ZCWPW2: variants seen among roughly 807,000 people sequenced by gnomAD.
ZCWPW2 encodes zinc finger CW-type and PWWP domain containing 2.
A neutral mutation model predicts 46.6 loss-of-function variants in ZCWPW2; 45 were observed. The observed-to-expected ratio is 0.96, with a 90% CI of 0.76 to 1.24. ZCWPW2 has a LOEUF of 1.24. Ranked by LOEUF, ZCWPW2 falls within the 50% of genes most tolerant of loss-of-function variation. The pLI, the probability that ZCWPW2 is intolerant of heterozygous loss-of-function variation, is 0.00. For missense variants in ZCWPW2, 429 were observed against 403.9 expected, an observed-to-expected ratio of 1.06 and a Z score of -0.53; for synonymous variants, 152 against 137.1, an observed-to-expected ratio of 1.11 and a Z score of -0.76.
Position 28,466,508 on chromosome 3 carries a change from A to G in ZCWPW2, c.493-12306A>G, listed in dbSNP as rs189839694. Among the ~76,000 whole-genome samples the G allele has an allele frequency of 2.7e-3, 416 of 152,340 alleles. 2 individuals carry two copies. The highest frequency in any genetic ancestry group is 3.7e-3 in the Non-Finnish European group (250 of 68,038). The stretch of plus-strand genomic sequence containing the variant: ...AAAATGCTGCTAAGAAACAGAAAAT[A>G]AAGCCCGAGACTGGCTGTGGTGGCT... On this transcript the variant is annotated intron_variant, in intron 4 of 9. Coordinates refer to ENST00000383768, the MANE Select transcript of ZCWPW2 (RefSeq NM_001040432.4).
At chr3:28,441,971 C>T (rs980696943) in intron 4 of ZCWPW2, among the ~76,000 whole-genome samples, 1 of 152,166 alleles carries the variant, frequency 6.6e-6, no homozygotes, top group Non-Finnish European at 1.5e-5. Context: ...TTTGGGCCTG[C>T]CAAAGGCTCC....
Position 28,524,751 on chromosome 3 carries a change from A to G in ZCWPW2, c.*63A>G. On this transcript the variant is annotated 3_prime_UTR_variant, in exon 10 of 10. Coordinates refer to ENST00000383768, the MANE Select transcript of ZCWPW2 (RefSeq NM_001040432.4). ...GGCATCTTTATATTTATCCAAAGTTAAAACTTTAAAAATGTTTAGTGAAAT... is the reference window on the plus strand; with the variant it reads ...GGCATCTTTATATTTATCCAAAGTTGAAACTTTAAAAATGTTTAGTGAAAT... 1 of 1,277,442 alleles carries G rather than the reference A, an allele frequency of 7.8e-7. No homozygotes were observed. 79.1% of individuals were successfully genotyped at this position (1,277,442 alleles called of 1,614,324 possible).
chr3:28,457,946 A>G, intron 4 of ZCWPW2, among the ~76,000 whole-genome samples: 1 of 152,188 alleles, frequency 6.6e-6, no homozygotes, highest in East Asian at 1.9e-4. Flanking sequence ...TAAGTTTTTA[A>G]CTATGATTAA....
At chr3:28,420,090 C>T (rs1399128781) in intron 3 of ZCWPW2, among the ~76,000 whole-genome samples, 1 of 151,430 alleles carries the variant, frequency 6.6e-6, no homozygotes, top group East Asian at 1.9e-4. Flanking sequence ...AAAAAAACAG[C>T]TCCTGGAATC....
chr3:28,348,989 G>T lies in ZCWPW2; in HGVS notation c.-348G>T. ...GTGGATGAGCTCTCAGCCGGAAAAG[G>T]GGCTGCCGCTGTCCGCGGGCTCGGC... On this transcript the variant is annotated 5_prime_UTR_variant, in exon 1 of 10. Transcript: ENST00000383768. The T allele has an allele frequency of 1.0e-6, 1 of 985,820 alleles. No homozygotes were observed. Among genetic ancestry groups the T allele is most frequent in the Non-Finnish European group, 1.2e-6 (1 of 830,244 alleles). 61.1% of individuals were successfully genotyped at this position (985,820 alleles called of 1,614,324 possible). A position where few individuals can be genotyped will look rare whatever the true frequency, so the allele number is the denominator to read the frequency against.
chr3:28,496,621 A>C (rs1392621913), intron 6 of ZCWPW2, among the ~76,000 whole-genome samples: 1 of 151,924 alleles, frequency 6.6e-6, no homozygotes, highest in Admixed American at 6.6e-5. Context: ...TTTTCTTTAC[A>C]GTTTGGTTTT....
At chr3:28,494,907 C>A (rs1699934992) in intron 6 of ZCWPW2, among the ~76,000 whole-genome samples, 1 of 146,908 alleles carries the variant, frequency 6.8e-6, no homozygotes, top group Non-Finnish European at 1.5e-5. Flanking sequence ...AACTACAAAC[C>A]ACTGCTCAAG....
intron 4 of ZCWPW2, among the ~76,000 whole-genome samples, chr3:28,450,761 C>G (rs1698195602): frequency 6.6e-6 from 1 of 152,024 alleles, no homozygotes; most frequent in Non-Finnish European, 1.5e-5. Flanking sequence ...TACCAGAGAT[C>G]ATTTGGGTGT....
rs1033581109 is a variant in ZCWPW2 at position 28,406,206 on chromosome 3, G to A, written c.-13-6850G>A. 1.9e-4 allele frequency among the ~76,000 whole-genome samples: 29 copies of A among 152,282 alleles called. 1 individual carries two copies. The highest frequency in any genetic ancestry group is 1.9e-3 in the Admixed American group (29 of 15,298). ...AAGAGAAGCAGTACTTAAGGATTTG[G>A]AAACTTCTCAGCCTACACATATAGT... On this transcript the variant is annotated intron_variant, in intron 2 of 9. Coordinates refer to ENST00000383768, the MANE Select transcript of ZCWPW2 (RefSeq NM_001040432.4).
chr3:28,485,634 G>GT (rs531270536), intron 5 of ZCWPW2, among the ~76,000 whole-genome samples: 2 of 152,188 alleles, frequency 1.3e-5, no homozygotes, highest in South Asian at 4.1e-4. Context: ...TTATTATTAT[G>GT]TATGACCCTC....
At chr3:28,419,872 A>G (rs1316352162) in intron 3 of ZCWPW2, among the ~76,000 whole-genome samples, 2 of 114,984 alleles carry the variant, frequency 1.7e-5, no homozygotes, top group Non-Finnish European at 3.5e-5. Context: ...GGAATTGAAC[A>G]ATGAGAACAC....
intron 5 of ZCWPW2, among the ~76,000 whole-genome samples, chr3:28,480,654 C>A (rs1346875018): frequency 6.6e-6 from 1 of 152,068 alleles, no homozygotes; most frequent in Non-Finnish European, 1.5e-5. Flanking sequence ...AATCTTTGCC[C>A]ATGCCTATGT....
chr3:28,465,961 T>C (rs1204809148), intron 4 of ZCWPW2, among the ~76,000 whole-genome samples: 1 of 152,054 alleles, frequency 6.6e-6, no homozygotes, highest in Non-Finnish European at 1.5e-5. Flanking sequence ...ATAAAGAAAA[T>C]GTAGTACATA....
chr3:28,370,153 C>T (rs1705272569), intron 1 of ZCWPW2, among the ~76,000 whole-genome samples: 1 of 152,214 alleles, frequency 6.6e-6, no homozygotes, highest in South Asian at 2.1e-4. Context: ...TGGTGCGCTG[C>T]ACCCACTGTC....
In ZCWPW2 at chr3:28,391,448, C is replaced by T. The variant is rs1008375305; in HGVS notation, c.-14+831C>T. 5.3e-5 allele frequency among the ~76,000 whole-genome samples: 8 copies of T among 151,962 alleles called. 1 individual carries two copies. Reference sequence around the variant, plus strand: ...GAATGAAAATAGCCCTGGGAGGGCTCAGGAGTCCAATTAACAACATCCAGC... The same window carrying T: ...GAATGAAAATAGCCCTGGGAGGGCTTAGGAGTCCAATTAACAACATCCAGC... On this transcript the variant is annotated intron_variant, in intron 2 of 9. Coordinates refer to ENST00000383768, the MANE Select transcript of ZCWPW2 (RefSeq NM_001040432.4).
At chr3:28,487,856 A>G (rs1002682403) in intron 5 of ZCWPW2, among the ~76,000 whole-genome samples, 1 of 151,858 alleles carries the variant, frequency 6.6e-6, no homozygotes, top group Non-Finnish European at 1.5e-5. Flanking sequence ...ACCTACATAG[A>G]TAGTAAAGGA....
intron 4 of ZCWPW2, chr3:28,478,185 A>G (rs1209215225): frequency 2.3e-5 from 4 of 171,896 alleles, no homozygotes; most frequent in Non-Finnish European, 3.9e-5. Flanking sequence ...AGAAATTTGT[A>G]TGCATATGTT....
chr3:28,377,082 T>G (rs1174827765), intron 1 of ZCWPW2, among the ~76,000 whole-genome samples: 1 of 150,860 alleles, frequency 6.6e-6, no homozygotes, highest in Non-Finnish European at 1.5e-5. Context: ...TTTTTTTTTT[T>G]GTATTTTGTT....
chr3:28,399,819 C>A lies in ZCWPW2; in HGVS notation c.-14+9202C>A, dbSNP rs139417592. ...AGACCTTCTGTCTGACAGAGCCTACCCAAATGAGAAGAAACCAGAAAATCA... is the reference window on the plus strand; with the variant it reads ...AGACCTTCTGTCTGACAGAGCCTACACAAATGAGAAGAAACCAGAAAATCA... On this transcript the variant is annotated intron_variant, in intron 2 of 9. Coordinates refer to ENST00000383768, the MANE Select transcript of ZCWPW2 (RefSeq NM_001040432.4). 5.3e-3 allele frequency among the ~76,000 whole-genome samples: 800 copies of A among 152,176 alleles called. 9 individuals are homozygous for A. The highest frequency in any genetic ancestry group is 0.018 in the African/African-American group (763 of 41,508).
Sources: allele counts gnomAD v4.1 joint callset (sites outside exome capture counted in the v4.1 genomes callset), GRCh38; gene constraint gnomAD v4.1.1; transcripts MANE v1.5; gene names NCBI Gene and HGNC (gene_info 2026-07-23, HGNC 2026-07-21).